Variants in CAMKK2 observed in about 807,000 individuals in gnomAD.
CAMKK2 encodes calcium/calmodulin dependent protein kinase kinase 2.
CAMKK2 carries 30 observed loss-of-function variants against 67.2 expected under a neutral mutation model. That is an observed-to-expected ratio of 0.45 (90% CI 0.33 to 0.61). The LOEUF (loss-of-function observed/expected upper bound fraction) is 0.61, where lower values mean the gene tolerates loss of function less well. Ranked by LOEUF, CAMKK2 falls within the 20% of genes least tolerant of loss-of-function variation. The pLI is 0.02. For missense variants in CAMKK2, 643 were observed against 802.0 expected (o/e 0.80, Z 2.39); for synonymous variants, 322 against 326.2 (o/e 0.99, Z 0.14).
At position 121,274,112 on chromosome 12, in the gene CAMKK2, G is replaced by A. The variant is rs202048546; in HGVS notation, c.415C>T (p.Arg139Trp). 1.0e-4 allele frequency: 157 copies of A among 1,549,118 alleles called. 1 individual carries two copies. The highest frequency in any genetic ancestry group is 1.5e-4 in the African/African-American group (11 of 73,232). The change falls in exon 2 of 17, where the codon CGG (arginine) becomes TGG (tryptophan). Residue 139 changes from arginine (R) to tryptophan (W), a missense_variant. Around this residue, in one of 3 missense-constraint regions of CAMKK2, gnomAD observed 483 missense variants for 625.8 expected, o/e 0.77. Coordinates refer to ENST00000404169, the MANE Select transcript of CAMKK2 (RefSeq NM_001270485.2). ...TCCACTGTCGGCCGCCGGGGCAGCC[G>A]AGGCGAGGACTGCGGGGAGCTGACG... ...SPVSSPQSSP[R>W]LPRRPTVESH...
chr12:121,290,365 T>C lies in CAMKK2; in HGVS notation c.-60+6273A>G, dbSNP rs78290344. ...CTGGAAAAAAGTCTCACAAAATATA[T>C]ACTAATAAAATCACATGGGGACCTT... On this transcript the variant is annotated intron_variant, in intron 1 of 16. Transcript: ENST00000404169. 7.2e-5 allele frequency among the ~76,000 whole-genome samples: 11 copies of C among 152,286 alleles called. No individual in the cohort carries two copies. The East Asian group carries it at 9.6e-4, about 13-fold the overall frequency.
At chr12:121,255,902 A>C (rs1388356000) in intron 7 of CAMKK2, 98 bp from the exon 8 acceptor site, 3 of 1,145,480 alleles carry the variant, frequency 2.6e-6, no homozygotes, top group Admixed American at 1.8e-5. Flanking sequence ...AACACCAAGA[A>C]AGACAGAAAC....
At chr12:121,250,515 G>A (rs544327640) in intron 11 of CAMKK2, among the ~76,000 whole-genome samples, 3 of 152,204 alleles carry the variant, frequency 2.0e-5, no homozygotes, top group South Asian at 4.1e-4. Context: ...CAACATCTAC[G>A]TGGCTTGGTC....
At chr12:121,250,584 C>T (rs985410321) in intron 11 of CAMKK2, among the ~76,000 whole-genome samples, 1 of 152,130 alleles carries the variant, frequency 6.6e-6, no homozygotes, top group African/African-American at 2.4e-5. Flanking sequence ...CTTCCTGAAG[C>T]CCTGTCTAAA....
chr12:121,239,424 G>A lies in CAMKK2; in HGVS notation c.*1275C>T, dbSNP rs1887991353. On this transcript the variant is annotated 3_prime_UTR_variant, in exon 17 of 17. Coordinates refer to ENST00000404169, the MANE Select transcript of CAMKK2 (RefSeq NM_001270485.2). The stretch of plus-strand genomic sequence containing the variant: ...TTCTTTCTGGACTTTTAGCTACAAA[G>A]GGGAACTTCCTGTGCCAAGCCCTGG... The A allele has an allele frequency of 6.6e-6, 1 of 152,232 alleles. No homozygotes were observed. Among genetic ancestry groups the A allele is most frequent in the South Asian group, 2.1e-4 (1 of 4,828 alleles). The allele number at this position is 152,232 out of a possible 1,614,324, so 9.4% of individuals were successfully genotyped here. A position where few individuals can be genotyped will look rare whatever the true frequency, so the allele number is the denominator to read the frequency against.
At chr12:121,288,543 T>C (rs1308577898) in intron 1 of CAMKK2, among the ~76,000 whole-genome samples, 2 of 152,120 alleles carry the variant, frequency 1.3e-5, no homozygotes, top group East Asian at 3.9e-4. Flanking sequence ...ATTTCAAAAA[T>C]GAAAAAGGGA....
chr12:121,244,660 T>A (rs923775035), intron 15 of CAMKK2, 45 bp from the exon 16 acceptor site: 13 of 1,487,398 alleles, frequency 8.7e-6, no homozygotes, highest in Non-Finnish European at 1.2e-5. Context: ...GAAGGGACCC[T>A]TGGGATCCAC....
rs892052356 is a variant in CAMKK2, at chr12:121,291,628, C to G, written c.-60+5010G>C. 7.2e-5 allele frequency among the ~76,000 whole-genome samples: 11 copies of G among 152,124 alleles called. No homozygotes were observed. In the East Asian group the frequency reaches 1.7e-3, roughly 24 times the overall value. ...TTGCCAGGGGCTGCAGGGAGGGGCA[C>G]TGGGAAGAGAGAGTGACAGTTTAAT... is the stretch of plus-strand genomic sequence containing the variant. On this transcript the variant is annotated intron_variant, in intron 1 of 16. Transcript: ENST00000404169.
At chr12:121,252,844 G>C in intron 10 of CAMKK2, 130 bp from the exon 11 acceptor site, 1 of 839,934 alleles carries the variant, frequency 1.2e-6, no homozygotes, top group South Asian at 1.6e-5. Context: ...TTGTCTCCTA[G>C]GCTCTGGGGC....
intron 7 of CAMKK2, among the ~76,000 whole-genome samples, chr12:121,258,271 G>C (rs1352373575): frequency 6.6e-6 from 1 of 152,118 alleles, no homozygotes. Flanking sequence ...GGATCCACCT[G>C]CCTTGGCCTC....
intron 2 of CAMKK2, among the ~76,000 whole-genome samples, chr12:121,271,222 G>A (rs1034640492): frequency 6.6e-6 from 1 of 150,436 alleles, no homozygotes; most frequent in African/African-American, 2.5e-5. Context: ...TTGCTTGAGC[G>A]GAGATTGCAC....
At chr12:121,286,470 A>G (rs1898758211) in intron 1 of CAMKK2, among the ~76,000 whole-genome samples, 1 of 152,230 alleles carries the variant, frequency 6.6e-6, no homozygotes, top group Non-Finnish European at 1.5e-5. Flanking sequence ...GCACTCTTCT[A>G]ATCCTGCATC....
At chr12:121,263,979 G>C (rs201497329) in intron 5 of CAMKK2, 40 bp from the exon 6 acceptor site, 206 of 1,520,406 alleles carry the variant, frequency 1.4e-4, no homozygotes, top group Admixed American at 3.6e-4. Context: ...AGGGCAAAGA[G>C]ACTTTCCTCC....
At chr12:121,255,247 T>TAA (rs1891733361) in intron 9 of CAMKK2, among the ~76,000 whole-genome samples, 3 of 73,958 alleles carry the variant, frequency 4.1e-5, no homozygotes, top group Non-Finnish European at 7.9e-5. Context: ...TATATATATA[T>TAA]AATTATATAT....
rs75456247 is a variant in CAMKK2, at chr12:121,243,942, G to A, written c.1596+631C>T. 6,034 of 1,442,718 alleles carry A rather than the reference G, an allele frequency of 4.2e-3. 20 individuals are homozygous for A. Among genetic ancestry groups the A allele is most frequent in the Non-Finnish European group, 5.0e-3 (5,435 of 1,097,408 alleles). The allele number at this position is 1,442,718 out of a possible 1,614,324, so 89.4% of individuals were successfully genotyped here. A position where few individuals can be genotyped will look rare whatever the true frequency, so the allele number is the denominator to read the frequency against. On this transcript the variant is annotated intron_variant, in intron 16 of 16. Coordinates refer to ENST00000404169, the MANE Select transcript of CAMKK2 (RefSeq NM_001270485.2). The stretch of plus-strand genomic sequence containing the variant: ...CACCCACCACAGCACCTGCAGCAGG[G>A]GTGCCCAGCAGGTTCTCCCAGTCTC...
At position 121,269,583 on chromosome 12, in the gene CAMKK2, T is replaced by C. The variant is rs1245300343; in HGVS notation, c.520-2A>G. ...CAACTTGACGACACCATAGGAGCCC[T>C]GGATAAAGGGAGATGCCCATGACAT... On this transcript the variant is annotated splice_acceptor_variant, in intron 3 of 16. Coordinates refer to ENST00000404169, the MANE Select transcript of CAMKK2 (RefSeq NM_001270485.2). LOFTEE classifies it high-confidence loss of function. 6.2e-7 allele frequency: 1 copy of C among 1,605,106 alleles called. No individual in the cohort carries two copies. The highest frequency in any genetic ancestry group is 1.7e-5 in the Admixed American group (1 of 58,998).
chr12:121,252,825 G>T, intron 10 of CAMKK2, 111 bp from the exon 11 acceptor site: 1 of 1,063,460 alleles, frequency 9.4e-7, no homozygotes, highest in Non-Finnish European at 1.4e-6. Flanking sequence ...AGTTGGGGCG[G>T]GACCAATCTT....
intron 1 of CAMKK2, among the ~76,000 whole-genome samples, chr12:121,281,470 G>A (rs527979965): frequency 6.6e-6 from 1 of 152,362 alleles, no homozygotes; most frequent in East Asian, 1.9e-4. Flanking sequence ...GCCACACCCT[G>A]TCTCACATGG....
chr12:121,282,231 G>A (rs913561698), intron 1 of CAMKK2, among the ~76,000 whole-genome samples: 1 of 152,084 alleles, frequency 6.6e-6, no homozygotes, highest in Admixed American at 6.6e-5. Context: ...CCTGGGTCTG[G>A]AGCCCGGGAG....
Sources: gnomAD v4.1 joint callset for allele counts (sites outside exome capture counted in the v4.1 genomes callset) on GRCh38, gnomAD v4.1.1 for gene constraint, gnomAD v4.1.1 regional missense constraint, MANE v1.5 for transcripts, NCBI Gene and HGNC (gene_info 2026-07-23, HGNC 2026-07-21) for gene names.